The following RNF207 variants were observed in gnomAD, a reference collection of about 807,000 sequenced individuals.
RNF207 encodes OTTHUMG00000001089.
RNF207 carries 72 observed loss-of-function variants against 79.0 expected under a neutral mutation model. The observed-to-expected ratio is 0.91, with a 90% CI of 0.75 to 1.11. RNF207 has a LOEUF of 1.11. RNF207 is among the 50% of genes least tolerant of loss of function. RNF207 has a pLI of 0.00. For missense variants in RNF207, 936 were observed against 855.8 expected (o/e 1.09, Z -1.17); for synonymous variants, 348 against 366.2 (o/e 0.95, Z 0.57).
rs772291865 is a variant in RNF207 at position 6,209,445 on chromosome 1, A to T, written c.659A>T (p.Glu220Val). Residue 220 changes from glutamate (E) to valine (V), a missense_variant, in exon 7 of 18, where the codon GAG becomes GTG. Glu to Val is a moderately radical substitution (Grantham distance 121). Transcript: ENST00000377939. ...AVKALQTATREAIALLQAMVE... is the reference protein window; with the variant it reads ...AVKALQTATRVAIALLQAMVE... ...AAGGCCCTGCAGACGGCCACGCGGG[A>T]GGCCATCGCGCTGCTGCAGGCCATG... 6.6e-7 allele frequency: 1 copy of T among 1,515,916 alleles called. No homozygotes were observed. The highest frequency in any genetic ancestry group is 8.8e-7 in the Non-Finnish European group (1 of 1,137,408). 93.9% of individuals were successfully genotyped at this position (1,515,916 alleles called of 1,614,324 possible).
chr1:6,216,727 A>AT (rs750590224), intron 16 of RNF207, among the ~76,000 whole-genome samples: 3,090 of 137,810 alleles, frequency 0.022, 50 homozygotes, highest in African/African-American at 0.048. Flanking sequence ...CACCCGGCTG[A>AT]TTTTTTTTTT....
chr1:6,218,721 G>T (rs1039307372), intron 17 of RNF207, among the ~76,000 whole-genome samples: 2 of 152,202 alleles, frequency 1.3e-5, no homozygotes, highest in Admixed American at 1.3e-4. Context: ...CAGAGCCAGC[G>T]CATGCGCCCC....
In RNF207 at chr1:6,209,261, T is replaced by C; in HGVS notation, c.552-7T>C. On this transcript the variant is annotated splice_region_variant and splice_polypyrimidine_tract_variant and intron_variant, in intron 5 of 17. Coordinates refer to ENST00000377939, the MANE Select transcript of RNF207 (RefSeq NM_207396.3). ...CTGGAGCGGGCCTCACCCGCCGCCT[T>C]CTGCAGGGAGAGCCGGGCACACTGC... 6.5e-7 allele frequency: 1 copy of C among 1,549,426 alleles called. No individual in the cohort carries two copies. The highest frequency in any genetic ancestry group is 8.7e-7 in the Non-Finnish European group (1 of 1,146,650).
chr1:6,214,630 C>CTTTTT (rs144139448), intron 16 of RNF207, among the ~76,000 whole-genome samples: 32 of 70,618 alleles, frequency 4.5e-4, no homozygotes, highest in Middle Eastern at 9.1e-3. Flanking sequence ...ATATTTCTTT[C>CTTTTT]TTTTTTTTTT....
intron 16 of RNF207, among the ~76,000 whole-genome samples, chr1:6,214,274 T>C (rs1668282228): frequency 6.6e-6 from 1 of 152,238 alleles, no homozygotes; most frequent in Non-Finnish European, 1.5e-5. Context: ...TGGAAGCTTG[T>C]AGAATCTTCT....
intron 10 of RNF207, 108 bp downstream of exon 10, chr1:6,210,546 A>T (rs1377349891): frequency 4.1e-5 from 35 of 847,426 alleles, no homozygotes; most frequent in Middle Eastern, 3.4e-4. Flanking sequence ...AGCCTGGACC[A>T]GGGATCTCGG....
rs776311499 is a variant in RNF207 at position 6,213,120 on chromosome 1, T to C, written c.1589T>C (p.Ile530Thr). 3.7e-6 allele frequency: 6 copies of C among 1,613,122 alleles called. No individual in the cohort carries two copies. In the African/African-American group the frequency reaches 4.0e-5, roughly 11 times the overall value. The change falls in exon 16 of 18, where the codon ATC becomes ACC. Residue 530 changes from isoleucine to threonine, a missense_variant. Physicochemically the swap from Ile to Thr is moderately conservative, Grantham distance 89. Coordinates refer to ENST00000377939, the MANE Select transcript of RNF207 (RefSeq NM_207396.3). The part of the protein sequence containing the change: ...LRQENAYLTT[I>T]TKQITPYVRS... Reference sequence around the variant, plus strand: ...CAGGAGAATGCCTACCTGACCACCATCACCAAGCAGATCACGCCCTACGTC... The same window carrying C: ...CAGGAGAATGCCTACCTGACCACCACCACCAAGCAGATCACGCCCTACGTC...
chr1:6,209,615 A>T, intron 7 of RNF207, 76 bp downstream of exon 7: 3 of 1,391,716 alleles, frequency 2.2e-6, no homozygotes, highest in Non-Finnish European at 2.8e-6. Context: ...GCCCTTGTGG[A>T]TTTCCAGTGT....
intron 16 of RNF207, among the ~76,000 whole-genome samples, chr1:6,216,061 T>C (rs1049961178): frequency 2.6e-5 from 4 of 152,182 alleles, no homozygotes; most frequent in African/African-American, 9.7e-5. Context: ...GGGAAGCCTG[T>C]CTGTGGAGCA....
chr1:6,207,805 G>T lies in RNF207; in HGVS notation c.324+294G>T. On this transcript the variant is annotated intron_variant, in intron 3 of 17. Transcript: ENST00000377939. The surrounding 1 kb of genome is among the most constrained non-coding windows in gnomAD (Gnocchi z 4.5). ...GTGGAGTTGTGGACCTGCACAGGAG[G>T]GGCAGTCCAGTTTGCAGGCCTGGGC... The T allele has an allele frequency of 1.6e-6, 1 of 607,718 alleles. No individual in the cohort carries two copies. Among genetic ancestry groups the T allele is most frequent in the Admixed American group, 2.2e-5 (1 of 46,438 alleles). The allele number at this position is 607,718 out of a possible 1,614,324, so 37.6% of individuals were successfully genotyped here.
chr1:6,215,994 C>G (rs181959147), intron 16 of RNF207, among the ~76,000 whole-genome samples: 2 of 152,240 alleles, frequency 1.3e-5, no homozygotes, highest in Non-Finnish European at 2.9e-5. Flanking sequence ...GGTGGGTGGG[C>G]TCTTGCTTTT....
In RNF207 at chr1:6,212,703, C is replaced by T. The variant is rs750243515; in HGVS notation, c.1504C>T (p.Arg502Ter). The part of the protein sequence containing the change: ...FQEIWEEAYQ[R>*]VANEQEIYEA... ...TCAGATTTGGGAGGAAGCCTATCAG[C>T]GAGTGGCTAATGAGCAGGAGATTTA... Residue 502 changes from arginine to a stop codon, truncating the protein, a stop_gained, in exon 15 of 18, where the codon CGA becomes TGA. Coordinates refer to ENST00000377939, the MANE Select transcript of RNF207 (RefSeq NM_207396.3). LOFTEE classifies it high-confidence loss of function. 135 of 1,613,704 alleles carry T rather than the reference C, an allele frequency of 8.4e-5. 2 individuals carry two copies. The South Asian group carries it at 9.7e-4, about 12-fold the overall frequency.
In RNF207 at chr1:6,220,332, C is replaced by T. The variant is rs763320073; in HGVS notation, c.*925C>T. 8 of 152,242 alleles carry T rather than the reference C, an allele frequency of 5.3e-5. No individual in the cohort carries two copies. The highest frequency in any genetic ancestry group is 8.8e-5 in the Non-Finnish European group (6 of 68,068). The allele number at this position is 152,242 out of a possible 1,614,324, so 9.4% of individuals were successfully genotyped here. On this transcript the variant is annotated 3_prime_UTR_variant, in exon 18 of 18. Coordinates refer to ENST00000377939, the MANE Select transcript of RNF207 (RefSeq NM_207396.3). ...AGTTCCACACCTACGCACCGAGCGT[C>T]GGTGTGCCAGGCCCTGTGCTGGGCA...
intron 8 of RNF207, 87 bp from the exon 9 acceptor site, chr1:6,210,136 G>A (rs1409342500): frequency 1.5e-6 from 2 of 1,360,426 alleles, no homozygotes; most frequent in African/African-American, 1.4e-5. Context: ...TTCAGGGACG[G>A]ACATGCGAAG....
chr1:6,206,539 T>G lies in RNF207; in HGVS notation c.4T>G (p.Ser2Ala). Residue 2 changes from serine (S) to alanine (A), a missense_variant, in exon 2 of 18, where the codon TCG becomes GCG. Physicochemically the swap from Ser to Ala is moderately conservative, Grantham distance 99 (BLOSUM62 1). Transcript: ENST00000377939. M[S>A]GAIFGPLEGP... ...CCCGCTTGCGCTGTCGCTGCAGATGTCGGGAGCTATCTTCGGGCCCCTGGA... is the reference window on the plus strand; with the variant it reads ...CCCGCTTGCGCTGTCGCTGCAGATGGCGGGAGCTATCTTCGGGCCCCTGGA... 6.4e-7 allele frequency: 1 copy of G among 1,573,090 alleles called. No individual in the cohort carries two copies. The highest frequency in any genetic ancestry group is 1.3e-5 in the African/African-American group (1 of 74,116).
At position 6,208,910 on chromosome 1, in the gene RNF207, G is replaced by C; in HGVS notation, c.354G>C (p.Thr118=). 1.3e-6 allele frequency: 2 copies of C among 1,533,652 alleles called. No individual in the cohort carries two copies. The highest frequency in any genetic ancestry group is 1.7e-6 in the Non-Finnish European group (2 of 1,145,198). ...TGGAGACCACGTACTTCTGCAACAC[G>C]TGCGGACAGCCCCTATGCGCGCGCT... The part of the protein sequence containing the change: ...QDVETTYFCN[T]CGQPLCARCR... The change falls in exon 4 of 18, where the codon ACG becomes ACC. Residue 118 remains threonine (T), a synonymous_variant. Transcript: ENST00000377939.
Position 6,207,262 on chromosome 1 carries a change from T to C in RNF207, c.192-117T>C, listed in dbSNP as rs1038068540. ...ATATTTATAGCAGACCCCAGAGCTG[T>C]GGTGCACCCCACCTCCCAACACAGC... On this transcript the variant is annotated intron_variant, in intron 2 of 17. Transcript: ENST00000377939. The surrounding 1 kb of genome is among the most constrained non-coding windows in gnomAD (Gnocchi z 4.5). The C allele has an allele frequency of 1.6e-4, 168 of 1,041,656 alleles. No individual in the cohort carries two copies. Among genetic ancestry groups the C allele is most frequent in the Non-Finnish European group, 2.2e-4 (163 of 734,868 alleles). The allele number at this position is 1,041,656 out of a possible 1,614,324, so 64.5% of individuals were successfully genotyped here. A position where few individuals can be genotyped will look rare whatever the true frequency, so the allele number is the denominator to read the frequency against.
At chr1:6,209,810 A>C in intron 7 of RNF207, 114 bp from the exon 8 acceptor site, 2 of 1,144,194 alleles carry the variant, frequency 1.7e-6, no homozygotes, top group Non-Finnish European at 2.5e-6. Flanking sequence ...CAGGGCTGGT[A>C]GGTTGGAGAG....
At position 6,219,447 on chromosome 1, in the gene RNF207, G is replaced by T. The variant is rs1417329564; in HGVS notation, c.*40G>T. 5.5e-6 allele frequency: 8 copies of T among 1,452,926 alleles called. No homozygotes were observed. Among genetic ancestry groups the T allele is most frequent in the Non-Finnish European group, 7.5e-6 (8 of 1,062,358 alleles). 90.0% of individuals were successfully genotyped at this position (1,452,926 alleles called of 1,614,324 possible). A position where few individuals can be genotyped will look rare whatever the true frequency, so the allele number is the denominator to read the frequency against. ...CCCCAGGGTCAGGCTCTTAGAGCAGGCACAAGACTGGGACACTGGACAGAA... is the reference window on the plus strand; with the variant it reads ...CCCCAGGGTCAGGCTCTTAGAGCAGTCACAAGACTGGGACACTGGACAGAA... On this transcript the variant is annotated 3_prime_UTR_variant, in exon 18 of 18. Transcript: ENST00000377939.
Sources: gnomAD v4.1 joint callset for allele counts (sites outside exome capture counted in the v4.1 genomes callset) on GRCh38, gnomAD v4.1.1 for gene constraint, Gnocchi (gnomAD v3.1) non-coding constraint, MANE v1.5 for transcripts, NCBI Gene and HGNC (gene_info 2026-07-23, HGNC 2026-07-21) for gene names.